Variants in RBFOX1 observed in about 807,000 individuals in gnomAD.
The protein encoded by RBFOX1 is RNA binding fox-1 homolog 1.
RBFOX1 carries 8 observed loss-of-function variants against 57.7 expected under a neutral mutation model. That is an observed-to-expected ratio of 0.14 (90% CI 0.08 to 0.25). The LOEUF (loss-of-function observed/expected upper bound fraction) is 0.25, where lower values mean the gene tolerates loss of function less well. Ranked by LOEUF, RBFOX1 falls within the 10% of genes least tolerant of loss-of-function variation. The pLI is 1.00. For missense variants in RBFOX1, 611 were observed against 548.5 expected (o/e 1.11, Z -1.14); for synonymous variants, 326 against 222.4 (o/e 1.47, Z -4.15).
At chr16:7,343,051 A>G (rs1217430723) in intron 4 of RBFOX1, among the ~76,000 whole-genome samples, 4 of 152,080 alleles carry the variant, frequency 2.6e-5, no homozygotes, top group Non-Finnish European at 5.9e-5. Flanking sequence ...GGGGGAAGAG[A>G]GGCCTGTCCC....
At chr16:7,526,333 G>A (rs955458723) in intron 5 of RBFOX1, among the ~76,000 whole-genome samples, 20 of 152,252 alleles carry the variant, frequency 1.3e-4, no homozygotes, top group Non-Finnish European at 1.5e-4. Context: ...TGGTTTCTTC[G>A]TGGCTGCCCT....
At chr16:5,566,646 A>ATATATGTG (rs1256522262) in intron 2 of RBFOX1, among the ~76,000 whole-genome samples, 7 of 135,556 alleles carry the variant, frequency 5.2e-5, no homozygotes, top group African/African-American at 2.0e-4. Flanking sequence ...ATATGTGTGT[A>ATATATGTG]TATATGTGTA....
chr16:5,632,770 T>C (rs2048557165), intron 3 of RBFOX1, among the ~76,000 whole-genome samples: 1 of 152,150 alleles, frequency 6.6e-6, no homozygotes, highest in African/African-American at 2.4e-5. Context: ...CTTTACAAAG[T>C]GGTCATGAAT....
intron 2 of RBFOX1, among the ~76,000 whole-genome samples, chr16:6,575,286 A>G (rs2097415630): frequency 6.6e-6 from 1 of 152,302 alleles, no homozygotes; most frequent in Admixed American, 6.5e-5. Context: ...GATTAAGCCT[A>G]TGCATGTTGT....
intron 1 of RBFOX1, among the ~76,000 whole-genome samples, chr16:6,030,930 G>C (rs954024105): frequency 1.3e-5 from 2 of 152,174 alleles, no homozygotes; most frequent in Non-Finnish European, 2.9e-5. Context: ...TGTATGGGGT[G>C]GGTATATTGA....
chr16:5,784,922 C>T (rs12149077), intron 3 of RBFOX1, among the ~76,000 whole-genome samples: 2 of 152,154 alleles, frequency 1.3e-5, no homozygotes, highest in East Asian at 3.9e-4. Flanking sequence ...ACAGATTTCT[C>T]TTGTTTATAA....
At chr16:7,408,441 T>G (rs2098383089) in intron 4 of RBFOX1, among the ~76,000 whole-genome samples, 1 of 152,220 alleles carries the variant, frequency 6.6e-6, no homozygotes, top group South Asian at 2.1e-4. Flanking sequence ...AAACAGTGCA[T>G]CTCTGAAAAT....
chr16:6,289,285 G>GGATGGAAGGGTGGAGA (rs2077214181), intron 1 of RBFOX1, among the ~76,000 whole-genome samples: 3 of 151,892 alleles, frequency 2.0e-5, no homozygotes, highest in African/African-American at 4.8e-5. Context: ...AAGGGTGGAG[G>GGATGGAAGGGTGGAGA]TAGGATGGAA....
chr16:7,050,846 G>T (rs1308356980), intron 3 of RBFOX1, among the ~76,000 whole-genome samples: 1 of 151,850 alleles, frequency 6.6e-6, no homozygotes, highest in Non-Finnish European at 1.5e-5. Flanking sequence ...AAACATTTGT[G>T]TGCCTCTGCA....
At chr16:7,256,935 A>T (rs1047006306) in intron 4 of RBFOX1, among the ~76,000 whole-genome samples, 38 of 152,214 alleles carry the variant, frequency 2.5e-4, no homozygotes, top group African/African-American at 8.7e-4. Flanking sequence ...ACCACATGGG[A>T]AACAGCCTTT....
intron 3 of RBFOX1, among the ~76,000 whole-genome samples, chr16:5,650,567 G>T (rs1180939100): frequency 6.6e-6 from 1 of 152,172 alleles, no homozygotes; most frequent in African/African-American, 2.4e-5. Flanking sequence ...TGTGAAAGGG[G>T]ATGCTAATCC....
chr16:7,227,295 C>CT (rs1567795291), intron 4 of RBFOX1, among the ~76,000 whole-genome samples: 1 of 135,640 alleles, frequency 7.4e-6, no homozygotes, highest in Non-Finnish European at 1.7e-5. Flanking sequence ...ACCCCACCCC[C>CT]ACACACACAC....
At chr16:6,788,068 C>A (rs368096743) in intron 3 of RBFOX1, among the ~76,000 whole-genome samples, 1 of 151,956 alleles carries the variant, frequency 6.6e-6, no homozygotes, top group Non-Finnish European at 1.5e-5. Flanking sequence ...ACTAAAAATA[C>A]AAAATTTGGC....
intron 4 of RBFOX1, among the ~76,000 whole-genome samples, chr16:7,128,704 T>C (rs927260464): frequency 6.6e-6 from 1 of 152,114 alleles, no homozygotes; most frequent in Admixed American, 6.5e-5. Context: ...AACTAAACTC[T>C]ACCACTTGAT....
intron 4 of RBFOX1, among the ~76,000 whole-genome samples, chr16:5,905,960 C>G (rs1397603338): frequency 6.6e-6 from 1 of 152,172 alleles, no homozygotes; most frequent in Admixed American, 6.5e-5. Context: ...ATTGGCTGCC[C>G]AAAGCCCTAC....
At chr16:6,634,488 T>C (rs1430228720) in intron 2 of RBFOX1, among the ~76,000 whole-genome samples, 4 of 149,666 alleles carry the variant, frequency 2.7e-5, no homozygotes, top group Admixed American at 6.7e-5. Flanking sequence ...TGATACATAC[T>C]TATATAATAT....
At chr16:6,339,614 T>C in intron 2 of RBFOX1, among the ~76,000 whole-genome samples, 1 of 152,114 alleles carries the variant, frequency 6.6e-6, no homozygotes, top group East Asian at 1.9e-4. Flanking sequence ...CACTGGAATG[T>C]TGGATTTGAT....
At chr16:5,908,407 C>A (rs916329791) in intron 4 of RBFOX1, among the ~76,000 whole-genome samples, 2 of 151,098 alleles carry the variant, frequency 1.3e-5, no homozygotes, top group African/African-American at 2.4e-5. Flanking sequence ...GGCTGGAGTG[C>A]AGTAGTGCGA....
At chr16:7,110,521 G>A (rs1421451197) in intron 4 of RBFOX1, among the ~76,000 whole-genome samples, 1 of 152,168 alleles carries the variant, frequency 6.6e-6, no homozygotes, top group African/African-American at 2.4e-5. Context: ...TGCATAGTTG[G>A]TTATTTTAAC....
Sources: allele counts gnomAD v4.1 joint callset (sites outside exome capture counted in the v4.1 genomes callset), GRCh38; gene constraint gnomAD v4.1.1; transcripts MANE v1.5; gene names NCBI Gene and HGNC (gene_info 2026-07-23, HGNC 2026-07-21).